WDFY4: variants seen among roughly 807,000 people sequenced by gnomAD.
The protein encoded by WDFY4 is WD repeat- and FYVE domain-containing protein 4.
A neutral mutation model predicts 351.9 loss-of-function variants in WDFY4; 169 were observed. The ratio of observed to expected loss-of-function variants is 0.48; its 90% confidence interval spans 0.42 to 0.55. WDFY4 has a LOEUF of 0.55. Ranked by LOEUF, WDFY4 falls within the 20% of genes least tolerant of loss-of-function variation. The pLI, the probability that WDFY4 is intolerant of heterozygous loss-of-function variation, is 0.00. For missense variants in WDFY4, 3,803 were observed against 3,935.6 expected, an observed-to-expected ratio of 0.97 and a Z score of 0.90; for synonymous variants, 1,622 against 1,574.6, an observed-to-expected ratio of 1.03 and a Z score of -0.71.
chr10:48,735,224 C>A (rs555080883), intron 10 of WDFY4, among the ~76,000 whole-genome samples: 1 of 152,174 alleles, frequency 6.6e-6, no homozygotes, highest in Admixed American at 6.6e-5. Context: ...AGTTTTTATT[C>A]CACATGGATT....
In WDFY4 at chr10:48,810,721, T is replaced by C; in HGVS notation, c.5030T>C (p.Val1677Ala). ...TGGGTGGAACGCAGCACTGAGGGCG[T>C]GGATATTGTAATGGGTGAGCACGTG... is the stretch of plus-strand genomic sequence containing the variant. ...GSWVERSTEG[V>A]DIVMDNLKSQ... Residue 1677 changes from valine to alanine, a missense_variant, in exon 29 of 62, where the codon GTG becomes GCG. This residue lies in a region of WDFY4 where 3,054 missense variants were observed against 3,148.6 expected (regional missense o/e 0.97). Coordinates refer to ENST00000325239, the MANE Select transcript of WDFY4 (RefSeq NM_001394531.1). The C allele has an allele frequency of 6.5e-7, 1 of 1,539,972 alleles. No individual in the cohort carries two copies. Among genetic ancestry groups the C allele is most frequent in the Non-Finnish European group, 8.8e-7 (1 of 1,141,308 alleles).
intron 43 of WDFY4, among the ~76,000 whole-genome samples, chr10:48,887,027 T>C (rs963597155): frequency 1.3e-5 from 2 of 152,278 alleles, no homozygotes; most frequent in Non-Finnish European, 2.9e-5. Context: ...TTCTAGTTTT[T>C]AAAATGCCAT....
intron 13 of WDFY4, among the ~76,000 whole-genome samples, chr10:48,770,835 G>T (rs1319261661): frequency 6.6e-6 from 1 of 152,212 alleles, no homozygotes; most frequent in African/African-American, 2.4e-5. Context: ...CTGGGGAAGG[G>T]GACCCTGTCT....
intron 24 of WDFY4, chr10:48,802,730 C>T: frequency 2.1e-6 from 1 of 471,260 alleles, no homozygotes; most frequent in South Asian, 1.5e-5. Context: ...ACAATTTTGT[C>T]ATGCATGAGA....
chr10:48,727,880 C>G (rs1018774959), intron 7 of WDFY4, among the ~76,000 whole-genome samples: 1 of 152,228 alleles, frequency 6.6e-6, no homozygotes, highest in African/African-American at 2.4e-5. Flanking sequence ...CTGTCACCTG[C>G]ATGCCTGCTG....
At chr10:48,856,420 C>T (rs2069136118) in intron 39 of WDFY4, among the ~76,000 whole-genome samples, 1 of 152,028 alleles carries the variant, frequency 6.6e-6, no homozygotes, top group Non-Finnish European at 1.5e-5. Flanking sequence ...TAAAATACTC[C>T]TCTCTTTTTC....
At chr10:48,685,267 A>G (rs146471633) in intron 1 of WDFY4, among the ~76,000 whole-genome samples, 113 of 152,018 alleles carry the variant, frequency 7.4e-4, no homozygotes, top group African/African-American at 2.6e-3. Flanking sequence ...TTTGGGAGTC[A>G]GGCTGGGCTC....
At position 48,941,806 on chromosome 10, in the gene WDFY4, G is replaced by C. The variant is rs1379848286; in HGVS notation, c.7587G>C (p.Arg2529Ser). The change falls in exon 48 of 62, where the codon AGG (arginine) becomes AGC (serine). Residue 2529 changes from arginine to serine, a missense_variant and splice_region_variant. Arg to Ser is a moderately radical substitution (Grantham distance 110). Transcript: ENST00000325239. ...ACCACCTTGGTTTTCTGTCCCACAG[G>C]AGATACCCCGGCTCTGACAGGATCA... ...KATSEDTLSL[R>S]RYPGSDRIML... The C allele has an allele frequency of 6.4e-6, 10 of 1,552,084 alleles. No individual in the cohort carries two copies. The East Asian group carries it at 2.4e-4, about 38-fold the overall frequency.
chr10:48,842,605 G>C (rs117974415), intron 39 of WDFY4, among the ~76,000 whole-genome samples: 1 of 152,214 alleles, frequency 6.6e-6, no homozygotes, highest in Non-Finnish European at 1.5e-5. Flanking sequence ...TGCTTAAACC[G>C]GATGATGCTG....
chr10:48,760,621 T>C (rs562737193), intron 13 of WDFY4, among the ~76,000 whole-genome samples, 181 bp downstream of exon 13: 1 of 152,306 alleles, frequency 6.6e-6, no homozygotes, highest in South Asian at 2.1e-4. Context: ...CTTGACTGAG[T>C]TGTGCCCACC....
intron 38 of WDFY4, 112 bp downstream of exon 38, chr10:48,830,997 A>C: frequency 3.3e-5 from 34 of 1,043,394 alleles, no homozygotes; most frequent in Non-Finnish European, 4.0e-5. Flanking sequence ...CCTCTGTCTC[A>C]TCCCTTAAGT....
chr10:48,776,724 ATCTCT>A, intron 15 of WDFY4, 21 bp from the exon 16 acceptor site: 2 of 1,490,306 alleles, frequency 1.3e-6, no homozygotes, highest in East Asian at 2.5e-5. Flanking sequence ...GCAGAGACAC[ATCTCT>A]TCTCTTGCTT....
intron 47 of WDFY4, chr10:48,910,848 A>G (rs1837931826): frequency 9.7e-6 from 9 of 924,764 alleles, no homozygotes; most frequent in Non-Finnish European, 1.2e-5. Context: ...GCAGCGGGGA[A>G]GGGAGGACGT....
chr10:48,843,599 A>C (rs916258076), intron 39 of WDFY4, among the ~76,000 whole-genome samples: 1 of 152,216 alleles, frequency 6.6e-6, no homozygotes, highest in African/African-American at 2.4e-5. Flanking sequence ...AGATCTTGTA[A>C]AGTAAAACAG....
intron 39 of WDFY4, among the ~76,000 whole-genome samples, chr10:48,865,089 G>C (rs527470134): frequency 1.3e-5 from 2 of 152,094 alleles, no homozygotes; most frequent in South Asian, 4.1e-4. Flanking sequence ...AGAACCTTCA[G>C]TACATTGCTG....
At chr10:48,891,889 T>G (rs1053642179) in intron 44 of WDFY4, among the ~76,000 whole-genome samples, 1 of 152,168 alleles carries the variant, frequency 6.6e-6, no homozygotes, top group Non-Finnish European at 1.5e-5. Flanking sequence ...GTTGAAGGAG[T>G]GCGGAAGAGT....
intron 1 of WDFY4, among the ~76,000 whole-genome samples, chr10:48,686,065 C>A (rs1482212969): frequency 1.3e-5 from 2 of 151,902 alleles, no homozygotes; most frequent in Non-Finnish European, 2.9e-5. Context: ...AAGGGGCATG[C>A]CTGGGGTTCT....
chr10:48,923,399 A>G (rs1225751444), intron 47 of WDFY4, among the ~76,000 whole-genome samples: 5 of 151,454 alleles, frequency 3.3e-5, no homozygotes, highest in Non-Finnish European at 5.9e-5. Flanking sequence ...ATGTTTATCA[A>G]TGGCTTCTCC....
intron 12 of WDFY4, among the ~76,000 whole-genome samples, chr10:48,757,359 A>G (rs2065367780): frequency 6.6e-6 from 1 of 152,078 alleles, no homozygotes; most frequent in Non-Finnish European, 1.5e-5. Flanking sequence ...TTTAATCATC[A>G]TATCATATAA....
Sources: allele counts gnomAD v4.1 joint callset (sites outside exome capture counted in the v4.1 genomes callset), GRCh38; gene constraint gnomAD v4.1.1; regional missense constraint gnomAD v4.1.1; transcripts MANE v1.5; gene names NCBI Gene and HGNC (gene_info 2026-07-23, HGNC 2026-07-21).